Variants in MYO16 observed in about 807,000 individuals in gnomAD.
MYO16 encodes the protein unconventional myosin-XVI.
In MYO16, 94 loss-of-function variants were observed where a neutral mutation model predicts 205.3. The observed-to-expected ratio is 0.46, with a 90% CI of 0.39 to 0.54. The LOEUF (loss-of-function observed/expected upper bound fraction) is 0.54. Ranked by LOEUF, MYO16 falls within the 20% of genes least tolerant of loss-of-function variation. The pLI, the probability that MYO16 is intolerant of heterozygous loss-of-function variation, is 0.00. For missense variants in MYO16, 2,315 were observed against 2,387.5 expected (o/e 0.97, Z 0.63); for synonymous variants, 988 against 954.0 (o/e 1.04, Z -0.66).
chr13:108,796,634 G>A (rs1886796649), intron 6 of MYO16, among the ~76,000 whole-genome samples: 1 of 151,960 alleles, frequency 6.6e-6, no homozygotes, highest in Non-Finnish European at 1.5e-5. Flanking sequence ...GGATGAAGCT[G>A]GAAACCATCA....
chr13:108,777,812 G>A lies in MYO16; in HGVS notation c.508-7823G>A, dbSNP rs1274958743. On this transcript the variant is annotated intron_variant, in intron 4 of 34. Transcript: ENST00000457511. ...ACGTTTACCTGTGTTCCCCAGGTAT[G>A]TAGGTATGTTAACATTTTTGCATAC... 4.6e-5 allele frequency among the ~76,000 whole-genome samples: 7 copies of A among 152,306 alleles called. No homozygotes were observed. The East Asian group carries it at 1.4e-3, about 29-fold the overall frequency.
intron 28 of MYO16, among the ~76,000 whole-genome samples, chr13:109,113,455 G>C (rs1190893642): frequency 6.6e-6 from 1 of 152,080 alleles, no homozygotes; most frequent in Non-Finnish European, 1.5e-5. Context: ...ATCATTACAG[G>C]CCACTAAATA....
intron 12 of MYO16, among the ~76,000 whole-genome samples, chr13:108,871,728 G>C (rs1879074091): frequency 6.6e-6 from 1 of 152,128 alleles, no homozygotes; most frequent in Non-Finnish European, 1.5e-5. Flanking sequence ...GAGACACTTA[G>C]GGTGACTTTC....
intron 16 of MYO16, among the ~76,000 whole-genome samples, chr13:108,931,329 A>C (rs1376482360): frequency 6.6e-6 from 1 of 152,202 alleles, no homozygotes; most frequent in Non-Finnish European, 1.5e-5. Context: ...CACTCCATGC[A>C]TCTCGCCAAA....
intron 16 of MYO16, among the ~76,000 whole-genome samples, chr13:108,927,023 C>A (rs977529976): frequency 7.2e-5 from 11 of 151,994 alleles, no homozygotes; most frequent in African/African-American, 2.7e-4. Flanking sequence ...TGTAGCATGA[C>A]AACAAGGTAC....
intron 25 of MYO16, among the ~76,000 whole-genome samples, chr13:109,053,635 G>A (rs1887321445): frequency 6.6e-6 from 1 of 151,984 alleles, no homozygotes; most frequent in African/African-American, 2.4e-5. Context: ...ACTGCAGAAG[G>A]GAGGTAACTC....
At chr13:108,845,495 G>A (rs1402290342) in intron 10 of MYO16, among the ~76,000 whole-genome samples, 1 of 152,086 alleles carries the variant, frequency 6.6e-6, no homozygotes, top group East Asian at 1.9e-4. Context: ...AAAATGGGAA[G>A]GAGGAAGAGG....
At chr13:109,093,339 T>A (rs2139694879) in intron 27 of MYO16, among the ~76,000 whole-genome samples, 1 of 152,274 alleles carries the variant, frequency 6.6e-6, no homozygotes, top group South Asian at 2.1e-4. Flanking sequence ...TCACAGAAGC[T>A]GCATCCATTT....
intron 1 of MYO16, among the ~76,000 whole-genome samples, chr13:108,604,498 G>C (rs540665215): frequency 1.3e-5 from 2 of 152,306 alleles, no homozygotes; most frequent in South Asian, 4.1e-4. Flanking sequence ...TTGCAATGGT[G>C]ATAGCACAAA....
chr13:108,562,670 A>G, the MYO16 span, among the ~76,000 whole-genome samples: 1 of 152,294 alleles, frequency 6.6e-6, no homozygotes, highest in South Asian at 2.1e-4. Context: ...TGGTGGTCCC[A>G]TGAGATTATA....
rs775406449 is a variant in MYO16, at chr13:108,883,226, C to T, written c.1553+40C>T. 8 of 1,599,306 alleles carry T rather than the reference C, an allele frequency of 5.0e-6. No individual in the cohort carries two copies. The South Asian group carries it at 8.9e-5, about 18-fold the overall frequency. On this transcript the variant is annotated intron_variant, in intron 13 of 34. Coordinates refer to ENST00000457511, the MANE Select transcript of MYO16 (RefSeq NM_001198950.3). ...ACCTTGTCTGCCAGGCTCAGGTTTG[C>T]CACGGGGCTTGGCAGTAAAGATGTA...
At chr13:108,855,328 C>A in intron 10 of MYO16, 115 bp from the exon 11 acceptor site, 5 of 419,078 alleles carry the variant, frequency 1.2e-5, no homozygotes, top group Admixed American at 3.8e-5. Flanking sequence ...AATAACAGTT[C>A]CTAACTCAGG....
At chr13:108,626,976 T>TTA (rs202056449), upstream of MYO16, among the ~76,000 whole-genome samples, 804 of 145,020 alleles carry the variant, frequency 5.5e-3, 21 homozygotes, top group East Asian at 0.069. Context: ...ATATTATATA[T>TTA]TATATATATA....
intron 4 of MYO16, among the ~76,000 whole-genome samples, chr13:108,728,883 A>G (rs945091067): frequency 6.6e-6 from 1 of 151,974 alleles, no homozygotes; most frequent in Non-Finnish European, 1.5e-5. Flanking sequence ...GAACAAAAAT[A>G]TTTTGGGATT....
chr13:109,190,881 T>C (rs965163414), intron 34 of MYO16, among the ~76,000 whole-genome samples: 1 of 152,154 alleles, frequency 6.6e-6, no homozygotes, highest in Non-Finnish European at 1.5e-5. Context: ...CATATAATAA[T>C]ATATATTTAG....
At chr13:108,741,120 C>T (rs529459669) in intron 4 of MYO16, among the ~76,000 whole-genome samples, 53 of 152,232 alleles carry the variant, frequency 3.5e-4, no homozygotes, top group Non-Finnish European at 4.4e-4. Context: ...AGCTCTTACT[C>T]GGTGGGCTTC....
chr13:108,621,597 G>A (rs548395749), intron 1 of MYO16, among the ~76,000 whole-genome samples: 11 of 152,004 alleles, frequency 7.2e-5, no homozygotes, highest in South Asian at 2.1e-4. Context: ...CATCCACGTC[G>A]TCTACTCCTG....
Position 108,675,817 on chromosome 13 carries a change from C to T in MYO16, c.292+9668C>T, listed in dbSNP as rs370579793. ...TAGAAGCAGCATTACTTAGGTTTAG[C>T]ATCAAGGATCTAACTCTGGAGTTCA... is the stretch of plus-strand genomic sequence containing the variant. On this transcript the variant is annotated intron_variant, in intron 2 of 34. Transcript: ENST00000457511. Among the ~76,000 whole-genome samples the T allele has an allele frequency of 3.9e-5, 6 of 152,288 alleles. No homozygotes were observed. In the South Asian group the frequency reaches 1.0e-3, roughly 26 times the overall value.
At chr13:109,199,247 T>C (rs1198377774) in intron 34 of MYO16, among the ~76,000 whole-genome samples, 31 of 125,058 alleles carry the variant, frequency 2.5e-4, no homozygotes. Context: ...TATACCGTCA[T>C]TTTGCCTCGC....
Sources: allele counts gnomAD v4.1 joint callset (sites outside exome capture counted in the v4.1 genomes callset), GRCh38; gene constraint gnomAD v4.1.1; transcripts MANE v1.5; gene names NCBI Gene and HGNC (gene_info 2026-07-23, HGNC 2026-07-21).